The following GALNTL6 variants were observed in gnomAD, a reference collection of about 807,000 sequenced individuals.
GALNTL6 encodes the protein polypeptide N-acetylgalactosaminyltransferase-like 6.
A neutral mutation model predicts 73.7 loss-of-function variants in GALNTL6; 46 were observed. That is an observed-to-expected ratio of 0.62 (90% CI 0.49 to 0.80). GALNTL6 has a LOEUF of 0.80. GALNTL6 is among the 30% of genes least tolerant of loss of function. The pLI, the probability that GALNTL6 is intolerant of heterozygous loss-of-function variation, is 0.00. For missense variants in GALNTL6, 604 were observed against 755.0 expected (o/e 0.80, Z 2.34); for synonymous variants, 259 against 263.7 (o/e 0.98, Z 0.17).
chr4:172,636,416 A>G (rs2111109000), intron 5 of GALNTL6, among the ~76,000 whole-genome samples: 1 of 152,318 alleles, frequency 6.6e-6, no homozygotes, highest in Admixed American at 6.5e-5. Context: ...GGGACTTTAC[A>G]GGTGTGATTT....
At chr4:172,174,309 C>T (rs1048404777) in intron 2 of GALNTL6, among the ~76,000 whole-genome samples, 21 of 152,268 alleles carry the variant, frequency 1.4e-4, no homozygotes, top group Admixed American at 1.0e-3. Context: ...CTTCTTTGAA[C>T]GGTCTATGTA....
chr4:172,270,145 T>A (rs1738589981), intron 3 of GALNTL6, among the ~76,000 whole-genome samples: 1 of 152,038 alleles, frequency 6.6e-6, no homozygotes, highest in South Asian at 2.1e-4. Context: ...TTCTGCTGAT[T>A]TCCACTCCTT....
At chr4:171,995,048 G>A (rs948628792) in intron 2 of GALNTL6, among the ~76,000 whole-genome samples, 1 of 151,692 alleles carries the variant, frequency 6.6e-6, no homozygotes, top group Non-Finnish European at 1.5e-5. Context: ...CTTAGAAACT[G>A]TTCTTATAAA....
intron 2 of GALNTL6, among the ~76,000 whole-genome samples, chr4:172,222,120 T>C (rs1028201578): frequency 6.6e-6 from 1 of 151,760 alleles, no homozygotes; most frequent in Non-Finnish European, 1.5e-5. Context: ...CAGACAGTAG[T>C]CCTATCTAAA....
chr4:172,191,041 C>T (rs2110878101), intron 2 of GALNTL6, among the ~76,000 whole-genome samples: 1 of 152,308 alleles, frequency 6.6e-6, no homozygotes, highest in African/African-American at 2.4e-5. Context: ...CCCTCCCACC[C>T]TATGTGTTGA....
chr4:172,252,799 G>A (rs1256519324), intron 3 of GALNTL6, among the ~76,000 whole-genome samples: 4 of 151,874 alleles, frequency 2.6e-5, no homozygotes, highest in Non-Finnish European at 5.9e-5. Flanking sequence ...ACAGTGGGAG[G>A]AAGTCCTTGG....
At chr4:172,858,978 C>A in intron 7 of GALNTL6, among the ~76,000 whole-genome samples, 1 of 139,200 alleles carries the variant, frequency 7.2e-6, no homozygotes, top group African/African-American at 2.6e-5. Flanking sequence ...AAATAAACAA[C>A]AAAGTTTAAG....
chr4:172,919,054 T>C (rs1747667033), intron 8 of GALNTL6, among the ~76,000 whole-genome samples: 1 of 152,200 alleles, frequency 6.6e-6, no homozygotes, highest in Non-Finnish European at 1.5e-5. Context: ...TGCTGTTCAT[T>C]TGAGTAGCAT....
chr4:172,434,830 A>G (rs1731577436), intron 5 of GALNTL6, among the ~76,000 whole-genome samples: 2 of 152,034 alleles, frequency 1.3e-5, no homozygotes, highest in Admixed American at 6.6e-5. Flanking sequence ...GTTTTCCTCT[A>G]TATACTTTCT....
chr4:172,869,411 A>C (rs1190128417), intron 7 of GALNTL6, among the ~76,000 whole-genome samples: 1 of 152,162 alleles, frequency 6.6e-6, no homozygotes, highest in Non-Finnish European at 1.5e-5. Context: ...AAAGATCTAC[A>C]AGGGAGCCGG....
intron 8 of GALNTL6, among the ~76,000 whole-genome samples, chr4:172,907,063 A>G (rs1746935662): frequency 6.6e-6 from 1 of 152,168 alleles, no homozygotes; most frequent in South Asian, 2.1e-4. Flanking sequence ...TTTGGGAACC[A>G]TCTGAAAATT....
At chr4:172,926,050 T>C (rs1748041709) in intron 8 of GALNTL6, among the ~76,000 whole-genome samples, 1 of 152,220 alleles carries the variant, frequency 6.6e-6, no homozygotes, top group East Asian at 1.9e-4. Flanking sequence ...GAGTGGCTTA[T>C]AAATAACAGA....
At position 171,972,857 on chromosome 4, in the gene GALNTL6, G is replaced by A. The variant is rs183908940; in HGVS notation, c.138+158139G>A. On this transcript the variant is annotated intron_variant, in intron 2 of 12. Coordinates refer to ENST00000506823, the MANE Select transcript of GALNTL6 (RefSeq NM_001034845.3). ...ATCAATTCTGTTTTGGCAAAGTAAT[G>A]TTCTACAGTAGATTTCTGGAAGCTA... Among the ~76,000 whole-genome samples the A allele has an allele frequency of 7.9e-5, 12 of 152,166 alleles. No homozygotes were observed. In the East Asian group the frequency reaches 1.9e-3, roughly 24 times the overall value.
At chr4:172,755,255 T>TAGATAGAG (rs1737686919) in intron 5 of GALNTL6, among the ~76,000 whole-genome samples, 1 of 150,302 alleles carries the variant, frequency 6.7e-6, no homozygotes, top group African/African-American at 2.5e-5. Context: ...GATAGATAGA[T>TAGATAGAG]AGATAGATAG....
intron 5 of GALNTL6, among the ~76,000 whole-genome samples, chr4:172,390,623 C>T (rs1487181759): frequency 6.6e-6 from 1 of 152,086 alleles, no homozygotes; most frequent in Non-Finnish European, 1.5e-5. Context: ...ATAGTTTATA[C>T]AAAATTCAGT....
At chr4:172,988,774 C>A (rs757671668) in intron 10 of GALNTL6, among the ~76,000 whole-genome samples, 22 of 152,214 alleles carry the variant, frequency 1.4e-4, no homozygotes, top group Non-Finnish European at 2.6e-4. Context: ...TAAAAGGGCC[C>A]CAGATAGGTC....
intron 2 of GALNTL6, among the ~76,000 whole-genome samples, chr4:172,225,613 G>A (rs1736831000): frequency 6.6e-6 from 1 of 151,990 alleles, no homozygotes; most frequent in Non-Finnish European, 1.5e-5. Flanking sequence ...ATGATGGCCG[G>A]GTGCGATGGC....
intron 5 of GALNTL6, among the ~76,000 whole-genome samples, chr4:172,476,912 G>A (rs1326785166): frequency 6.9e-6 from 1 of 145,454 alleles, no homozygotes. Flanking sequence ...CATAAATATG[G>A]CTTAAGAGAC....
chr4:172,184,460 A>G (rs1001515765), intron 2 of GALNTL6, among the ~76,000 whole-genome samples: 1 of 152,178 alleles, frequency 6.6e-6, no homozygotes, highest in African/African-American at 2.4e-5. Flanking sequence ...AAAAATAAAT[A>G]AAGAGGCTTT....
Sources: allele counts gnomAD v4.1 joint callset (sites outside exome capture counted in the v4.1 genomes callset), GRCh38; gene constraint gnomAD v4.1.1; transcripts MANE v1.5; gene names NCBI Gene and HGNC (gene_info 2026-07-23, HGNC 2026-07-21).